The following ANO2 variants were observed in gnomAD, a reference collection of about 807,000 sequenced individuals.
ANO2 encodes anoctamin 2.
In ANO2, 101 loss-of-function variants were observed where a neutral mutation model predicts 124.2. The observed-to-expected ratio is 0.81, with a 90% CI of 0.69 to 0.96. ANO2 has a LOEUF of 0.96. Among genes scored for constraint, ANO2 ranks in the 40% least tolerant of loss-of-function variants. ANO2 has a pLI of 0.00. For synonymous variants in ANO2, 486 were observed against 482.5 expected, an observed-to-expected ratio of 1.01 and a Z score of -0.09; for missense variants, 1,293 against 1,274.5, an observed-to-expected ratio of 1.01 and a Z score of -0.22.
At chr12:5,812,974 A>G (rs67170511) in intron 7 of ANO2, among the ~76,000 whole-genome samples, 84,632 of 139,614 alleles carry the variant, frequency 0.61, 26,565 homozygotes, top group East Asian at 0.72. Context: ...GGGAGGGAGG[A>G]AGGAAGGAAG....
At chr12:5,600,487 C>A (rs760287740) in intron 19 of ANO2, among the ~76,000 whole-genome samples, 4 of 152,148 alleles carry the variant, frequency 2.6e-5, no homozygotes, top group African/African-American at 9.7e-5. Flanking sequence ...ATAATAATGG[C>A]CCAATTTCTC....
At chr12:5,941,711 A>G (rs1051444083) in intron 1 of ANO2, among the ~76,000 whole-genome samples, 19 of 152,112 alleles carry the variant, frequency 1.2e-4, no homozygotes, top group Non-Finnish European at 1.3e-4. Context: ...CAGAGTCAAA[A>G]TACTGAAAAC....
intron 4 of ANO2, chr12:5,852,082 A>T: frequency 1.5e-6 from 1 of 684,284 alleles, no homozygotes; most frequent in South Asian, 1.6e-5. Context: ...TTGGAGTTAG[A>T]AGGAAGACAG....
At chr12:5,916,254 G>A (rs1356779856) in intron 3 of ANO2, among the ~76,000 whole-genome samples, 2 of 152,126 alleles carry the variant, frequency 1.3e-5, no homozygotes, top group Non-Finnish European at 2.9e-5. Context: ...TCCAGCCTGG[G>A]TGACAGAGTG....
At chr12:5,902,060 A>G (rs371950414) in intron 3 of ANO2, among the ~76,000 whole-genome samples, 1 of 152,174 alleles carries the variant, frequency 6.6e-6, no homozygotes, top group Non-Finnish European at 1.5e-5. Flanking sequence ...CTCTTCCTAC[A>G]GTCAGTTTAT....
intron 10 of ANO2, among the ~76,000 whole-genome samples, chr12:5,767,369 T>C (rs1418513691): frequency 6.6e-6 from 1 of 152,192 alleles, no homozygotes; most frequent in Non-Finnish European, 1.5e-5. Context: ...AGTCTCTCCT[T>C]GGTGAACCTA....
intron 14 of ANO2, among the ~76,000 whole-genome samples, chr12:5,726,013 A>T (rs1950423615): frequency 6.6e-6 from 1 of 152,024 alleles, no homozygotes; most frequent in African/African-American, 2.4e-5. Context: ...TGCCATCTGC[A>T]CTCAACTTAG....
intron 10 of ANO2, among the ~76,000 whole-genome samples, chr12:5,753,076 T>C (rs768196898): frequency 6.6e-6 from 1 of 152,172 alleles, no homozygotes; most frequent in Non-Finnish European, 1.5e-5. Flanking sequence ...TAGAAGTTTA[T>C]TTTGCTAAGG....
chr12:5,932,386 T>A (rs1942444768), intron 1 of ANO2, among the ~76,000 whole-genome samples: 1 of 136,562 alleles, frequency 7.3e-6, no homozygotes, highest in Non-Finnish European at 1.6e-5. Context: ...GGCAGACGAG[T>A]GAGGAAAGAA....
At position 5,585,477 on chromosome 12, in the gene ANO2, T is replaced by C. The variant is rs1470713727; in HGVS notation, c.2234-6959A>G. Among the ~76,000 whole-genome samples, 5 of 152,182 alleles carry C rather than the reference T, an allele frequency of 3.3e-5. No homozygotes were observed. In the East Asian group the frequency reaches 9.7e-4, roughly 29 times the overall value. On this transcript the variant is annotated intron_variant, in intron 20 of 24. Transcript: ENST00000682330. ...TTGGCTCCGAGTTTTCTTCATTTCT[T>C]TGTGTTTAAAGGAGACTCAGTCCCT... is the stretch of plus-strand genomic sequence containing the variant.
At chr12:5,680,067 A>G (rs1281986155) in intron 14 of ANO2, among the ~76,000 whole-genome samples, 1 of 152,194 alleles carries the variant, frequency 6.6e-6, no homozygotes. Flanking sequence ...GTTCTCACTT[A>G]TAAGTGGAAG....
Position 5,806,126 on chromosome 12 carries a change from A to G in ANO2, c.949-33T>C, listed in dbSNP as rs1260937858. ...GAAAAAGTGATGCTGGATAAAGCCA[A>G]TGAAATTACCAGAAGCAGGTGCCAA... On this transcript the variant is annotated intron_variant, in intron 8 of 24. Coordinates refer to ENST00000682330, the MANE Select transcript of ANO2 (RefSeq NM_001364791.2). 7 of 1,601,752 alleles carry G rather than the reference A, an allele frequency of 4.4e-6. No homozygotes were observed. In the African/African-American group the frequency reaches 6.7e-5, roughly 15 times the overall value.
At chr12:5,696,682 T>C (rs763555414) in intron 14 of ANO2, among the ~76,000 whole-genome samples, 2 of 152,206 alleles carry the variant, frequency 1.3e-5, no homozygotes, top group Non-Finnish European at 2.9e-5. Context: ...AGAAAAACTC[T>C]AGCTCAACAT....
At chr12:5,819,147 C>T (rs562716131) in intron 7 of ANO2, among the ~76,000 whole-genome samples, 61 of 152,236 alleles carry the variant, frequency 4.0e-4, no homozygotes, top group African/African-American at 1.4e-3. Context: ...GATGGCCTCC[C>T]CTGAGGCAGT....
chr12:5,891,426 G>C (rs1939389936), intron 3 of ANO2, among the ~76,000 whole-genome samples: 1 of 152,184 alleles, frequency 6.6e-6, no homozygotes, highest in South Asian at 2.1e-4. Context: ...AGACACAGGT[G>C]CAGTTTTGGG....
At chr12:5,828,420 C>T (rs1157965137) in intron 6 of ANO2, among the ~76,000 whole-genome samples, 2 of 152,214 alleles carry the variant, frequency 1.3e-5, no homozygotes, top group Non-Finnish European at 2.9e-5. Context: ...TCGGGGACGC[C>T]AGCCAGACCG....
At chr12:5,916,491 T>TAAAAAAAAAA (rs769233593) in intron 3 of ANO2, among the ~76,000 whole-genome samples, 7,840 of 97,346 alleles carry the variant, frequency 0.081, 515 homozygotes, top group Non-Finnish European at 0.11. Context: ...TCGCAGCAGG[T>TAAAAAAAAAA]TAAAAAAAAA....
intron 10 of ANO2, among the ~76,000 whole-genome samples, chr12:5,796,114 C>A (rs996890594): frequency 2.0e-5 from 3 of 152,046 alleles, no homozygotes; most frequent in African/African-American, 7.2e-5. Flanking sequence ...AGGGAACTTT[C>A]CAGAGAGCTC....
intron 16 of ANO2, among the ~76,000 whole-genome samples, chr12:5,622,806 A>T (rs143988173): frequency 0.011 from 1,651 of 152,078 alleles, 24 homozygotes; most frequent in African/African-American, 0.037. Context: ...TCTACTACAA[A>T]TACAAAAATT....
Sources: gnomAD v4.1 joint callset for allele counts (sites outside exome capture counted in the v4.1 genomes callset) on GRCh38, gnomAD v4.1.1 for gene constraint, MANE v1.5 for transcripts, NCBI Gene and HGNC (gene_info 2026-07-23, HGNC 2026-07-21) for gene names.